Variants in ALOX5AP observed in about 807,000 individuals in gnomAD.
ALOX5AP encodes arachidonate 5-lipoxygenase activating protein, also known as arachidonate 5-lipoxygenase-activating protein.
A neutral mutation model predicts 18.5 loss-of-function variants in ALOX5AP; 9 were observed. The observed-to-expected ratio is 0.49, with a 90% confidence interval of 0.29 to 0.85. ALOX5AP has a LOEUF of 0.85. Among genes scored for constraint, ALOX5AP ranks in the 40% least tolerant of loss-of-function variants. The pLI is 0.08. For synonymous variants in ALOX5AP, 81 were observed against 78.6 expected (o/e 1.03, Z -0.16); for missense variants, 172 against 202.5 (o/e 0.85, Z 0.91).
At chr13:30,723,649 T>G (rs1951613518) in intron 1 of ALOX5AP, among the ~76,000 whole-genome samples, 1 of 152,236 alleles carries the variant, frequency 6.6e-6, no homozygotes, top group Admixed American at 6.5e-5. Flanking sequence ...ATAGTTTGGT[T>G]AATATAAATT....
At chr13:30,757,618 A>G (rs1327325200) in intron 4 of ALOX5AP, among the ~76,000 whole-genome samples, 2 of 152,090 alleles carry the variant, frequency 1.3e-5, no homozygotes, top group African/African-American at 2.4e-5. Context: ...ATGCAGCCCT[A>G]TCTTACCCCC....
At chr13:30,760,547 C>A (rs2137833040) in intron 4 of ALOX5AP, among the ~76,000 whole-genome samples, 1 of 152,322 alleles carries the variant, frequency 6.6e-6, no homozygotes, top group Admixed American at 6.5e-5. Context: ...GTGGAGGGCA[C>A]AGCTGTTTCA....
At chr13:30,732,863 A>G (rs1200523772), upstream of ALOX5AP, among the ~76,000 whole-genome samples, 1 of 151,936 alleles carries the variant, frequency 6.6e-6, no homozygotes, top group Non-Finnish European at 1.5e-5. Flanking sequence ...GAAGAGAGAG[A>G]AAAAAGAGGG....
intron 1 of ALOX5AP, among the ~76,000 whole-genome samples, chr13:30,741,831 G>GTTTTTTTTTTTT (rs770976174): frequency 5.2e-5 from 7 of 133,888 alleles, no homozygotes; most frequent in East Asian, 2.2e-4. Flanking sequence ...ATGGTTTTCT[G>GTTTTTTTTTTTT]TTTTTTTTTT....
At chr13:30,716,306 G>T (rs1951549652) in intron 1 of ALOX5AP, among the ~76,000 whole-genome samples, 1 of 152,176 alleles carries the variant, frequency 6.6e-6, no homozygotes, top group Admixed American at 6.5e-5. Flanking sequence ...ATGGTGTGTA[G>T]CCTGGGCATG....
chr13:30,716,308 C>T (rs1211082489), intron 1 of ALOX5AP, among the ~76,000 whole-genome samples: 1 of 152,116 alleles, frequency 6.6e-6, no homozygotes, highest in Non-Finnish European at 1.5e-5. Context: ...GGTGTGTAGC[C>T]TGGGCATGAG....
chr13:30,724,640 T>C (rs1951623343), intron 1 of ALOX5AP, among the ~76,000 whole-genome samples: 1 of 152,216 alleles, frequency 6.6e-6, no homozygotes, highest in Admixed American at 6.5e-5. Flanking sequence ...CAAAGATAAC[T>C]ATTCGCCTTT....
At chr13:30,716,492 G>A (rs187832096) in intron 1 of ALOX5AP, among the ~76,000 whole-genome samples, 28 of 152,296 alleles carry the variant, frequency 1.8e-4, no homozygotes, top group Admixed American at 1.2e-3. Flanking sequence ...ATCAGATTCC[G>A]ACATTATTTG....
At chr13:30,725,287 A>G (rs1445755385) in intron 1 of ALOX5AP, among the ~76,000 whole-genome samples, 1 of 152,248 alleles carries the variant, frequency 6.6e-6, no homozygotes, top group Non-Finnish European at 1.5e-5. Context: ...ACACACACAA[A>G]ACATGAGAAT....
intron 1 of ALOX5AP, among the ~76,000 whole-genome samples, chr13:30,715,026 G>A (rs2137781530): frequency 6.6e-6 from 1 of 152,290 alleles, no homozygotes; most frequent in East Asian, 1.9e-4. Context: ...ACACATAGGA[G>A]GCTTGTCCTC....
chr13:30,739,379 A>G (rs1312972467), intron 1 of ALOX5AP, among the ~76,000 whole-genome samples: 1 of 152,214 alleles, frequency 6.6e-6, no homozygotes, highest in East Asian at 1.9e-4. Flanking sequence ...CACCCAGGAC[A>G]CTGCCTGGCA....
chr13:30,717,083 C>T (rs560793686), intron 1 of ALOX5AP, among the ~76,000 whole-genome samples: 26 of 152,288 alleles, frequency 1.7e-4, no homozygotes, highest in Admixed American at 1.1e-3. Context: ...GACTCTCCAC[C>T]GCTACACATC....
chr13:30,759,026 C>T (rs565103327), intron 4 of ALOX5AP, among the ~76,000 whole-genome samples: 1 of 152,254 alleles, frequency 6.6e-6, no homozygotes, highest in African/African-American at 2.4e-5. Context: ...GCTATGTTGG[C>T]CAGGCTGGTC....
At chr13:30,739,178 A>G (rs1157534713) in intron 1 of ALOX5AP, among the ~76,000 whole-genome samples, 1 of 151,922 alleles carries the variant, frequency 6.6e-6, no homozygotes, top group East Asian at 1.9e-4. Flanking sequence ...CTATTGTTGC[A>G]TGGATTGAAA....
chr13:30,753,203 G>A (rs976771836), intron 3 of ALOX5AP, among the ~76,000 whole-genome samples: 2 of 152,220 alleles, frequency 1.3e-5, no homozygotes, highest in Non-Finnish European at 2.9e-5. Context: ...GTGATAGAGA[G>A]CAGAGGTGAG....
At chr13:30,723,441 A>G (rs1951610367) in intron 1 of ALOX5AP, among the ~76,000 whole-genome samples, 1 of 152,236 alleles carries the variant, frequency 6.6e-6, no homozygotes, top group East Asian at 1.9e-4. Flanking sequence ...GAATGGTCCT[A>G]TTACTTAACT....
At chr13:30,749,141 A>G (rs1462245211) in intron 2 of ALOX5AP, among the ~76,000 whole-genome samples, 1 of 152,226 alleles carries the variant, frequency 6.6e-6, no homozygotes, top group Non-Finnish European at 1.5e-5. Context: ...CTCCAGGCTG[A>G]CCATGTTTTA....
Position 30,763,956 on chromosome 13 carries a change from C to T in ALOX5AP, c.336C>T (p.Tyr112=). 6.2e-7 allele frequency: 1 copy of T among 1,613,818 alleles called. No homozygotes were observed. Among genetic ancestry groups the T allele is most frequent in the Non-Finnish European group, 8.5e-7 (1 of 1,179,896 alleles). Residue 112 remains tyrosine, a synonymous_variant, in exon 5 of 5, where the codon TAC becomes TAT. Transcript: ENST00000380490. Reference sequence around the variant, plus strand: ...CCTTCTCTTCCAGCACCCCTGGCTACATATTTGGGAAACGCATCATACTCT... The same window carrying T: ...CCTTCTCTTCCAGCACCCCTGGCTATATATTTGGGAAACGCATCATACTCT... ...LGERTQSTPG[Y]IFGKRIILFL...
chr13:30,751,478 A>C (rs1022854972), intron 2 of ALOX5AP, among the ~76,000 whole-genome samples: 2 of 152,262 alleles, frequency 1.3e-5, no homozygotes, highest in Non-Finnish European at 2.9e-5. Context: ...CGGTAGAGTG[A>C]GAACTCTCCA....
Sources: gnomAD v4.1 joint callset for allele counts (sites outside exome capture counted in the v4.1 genomes callset) on GRCh38, gnomAD v4.1.1 for gene constraint, MANE v1.5 for transcripts, NCBI Gene and HGNC (gene_info 2026-07-23, HGNC 2026-07-21) for gene names.